The following XKR4 variants were observed in gnomAD, a reference collection of about 807,000 sequenced individuals.
XKR4 encodes the protein XK-related protein 4.
Under a neutral mutation model 53.9 loss-of-function variants are expected in XKR4, and 12 were observed. The ratio of observed to expected loss-of-function variants is 0.22; its 90% CI spans 0.14 to 0.36. The LOEUF is 0.36. Ranked by LOEUF, XKR4 falls within the 10% of genes least tolerant of loss-of-function variation. The probability of loss-of-function intolerance (pLI) is 1.00; values close to 1 mark genes in which losing one functional copy is unlikely to be tolerated. For synonymous variants in XKR4, 354 were observed against 362.4 expected (o/e 0.98, Z 0.26); for missense variants, 799 against 859.5 (o/e 0.93, Z 0.88).
At chr8:55,295,897 G>A (rs911760729) in intron 1 of XKR4, among the ~76,000 whole-genome samples, 3 of 151,986 alleles carry the variant, frequency 2.0e-5, no homozygotes, top group African/African-American at 7.3e-5. Context: ...TTATTATTTT[G>A]TACTCCACAA....
chr8:55,310,056 T>A (rs1164178955), intron 1 of XKR4, among the ~76,000 whole-genome samples: 1 of 152,136 alleles, frequency 6.6e-6, no homozygotes, highest in Admixed American at 6.6e-5. Flanking sequence ...TGTGTCTGTG[T>A]GTGTGTGTGC....
intron 2 of XKR4, among the ~76,000 whole-genome samples, chr8:55,386,983 G>C (rs949820): frequency 0.1 from 15,559 of 152,190 alleles, 1,583 homozygotes; most frequent in African/African-American, 0.26. Context: ...GCAAGTCACA[G>C]ACACTTTATA....
At chr8:55,175,985 A>G (rs1265380433) in intron 1 of XKR4, among the ~76,000 whole-genome samples, 1 of 152,206 alleles carries the variant, frequency 6.6e-6, no homozygotes, top group African/African-American at 2.4e-5. Context: ...GAAAATATTA[A>G]TATCCATAAA....
In XKR4 at chr8:55,508,762, C is replaced by T. The variant is rs537232239; in HGVS notation, c.1007-14519C>T. Among the ~76,000 whole-genome samples the T allele has an allele frequency of 2.0e-5, 3 of 152,332 alleles. No homozygotes were observed. In the East Asian group the frequency reaches 5.8e-4, roughly 29 times the overall value. ...AGTAAGTGTTTACTGAATTGAACAA[C>T]TGAGTATAAAGAAATCAGAAAAGAA... is the stretch of plus-strand genomic sequence containing the variant. On this transcript the variant is annotated intron_variant, in intron 2 of 2. Transcript: ENST00000327381.
intron 2 of XKR4, among the ~76,000 whole-genome samples, chr8:55,408,578 A>T (rs977285408): frequency 2.0e-5 from 3 of 152,202 alleles, no homozygotes; most frequent in Non-Finnish European, 2.9e-5. Context: ...GTCAGGCAGA[A>T]GGGCTTCCGG....
intron 1 of XKR4, among the ~76,000 whole-genome samples, chr8:55,144,356 A>G (rs577182020): frequency 6.6e-6 from 1 of 152,168 alleles, no homozygotes; most frequent in Admixed American, 6.5e-5. Context: ...GTCTGTATGG[A>G]AAACAAAAAA....
At chr8:55,498,537 T>C (rs1806391298) in intron 2 of XKR4, among the ~76,000 whole-genome samples, 1 of 152,128 alleles carries the variant, frequency 6.6e-6, no homozygotes, top group African/African-American at 2.4e-5. Context: ...CCCAGCACTT[T>C]GGGAGGCCGA....
intron 2 of XKR4, among the ~76,000 whole-genome samples, chr8:55,389,236 G>C (rs1804402330): frequency 6.6e-6 from 1 of 152,166 alleles, no homozygotes; most frequent in African/African-American, 2.4e-5. Context: ...CCAGCCTCCA[G>C]AACTGTGAGA....
intron 1 of XKR4, among the ~76,000 whole-genome samples, chr8:55,178,019 A>G (rs1305246559): frequency 6.6e-6 from 1 of 152,212 alleles, no homozygotes; most frequent in Non-Finnish European, 1.5e-5. Context: ...GGATTGAAAC[A>G]AACCCCTTTA....
chr8:55,199,442 T>G (rs1817545591), intron 1 of XKR4, among the ~76,000 whole-genome samples: 1 of 152,242 alleles, frequency 6.6e-6, no homozygotes, highest in Non-Finnish European at 1.5e-5. Flanking sequence ...CTTACATCAT[T>G]TAGGTACTGT....
intron 1 of XKR4, among the ~76,000 whole-genome samples, chr8:55,329,127 C>G (rs1296608672): frequency 1.3e-5 from 2 of 152,124 alleles, no homozygotes; most frequent in African/African-American, 4.8e-5. Flanking sequence ...AACCGTGAAA[C>G]TTGAGTTCCT....
At chr8:55,322,151 CTTT>C (rs1298159908) in intron 1 of XKR4, among the ~76,000 whole-genome samples, 1 of 152,164 alleles carries the variant, frequency 6.6e-6, no homozygotes, top group East Asian at 1.9e-4. Flanking sequence ...TTACCACATG[CTTT>C]TATCCCTAAG....
chr8:55,228,537 A>G (rs763265340), intron 1 of XKR4, among the ~76,000 whole-genome samples: 1 of 152,212 alleles, frequency 6.6e-6, no homozygotes, highest in African/African-American at 2.4e-5. Flanking sequence ...TATGTGAAAT[A>G]TAAATGGAAT....
intron 2 of XKR4, among the ~76,000 whole-genome samples, chr8:55,406,833 G>C (rs1454684173): frequency 1.3e-5 from 2 of 152,178 alleles, no homozygotes; most frequent in Non-Finnish European, 1.5e-5. Flanking sequence ...GAGAATGAAT[G>C]AAAAAGTGAG....
At chr8:55,149,133 C>T (rs778116726) in intron 1 of XKR4, among the ~76,000 whole-genome samples, 1 of 152,186 alleles carries the variant, frequency 6.6e-6, no homozygotes, top group African/African-American at 2.4e-5. Flanking sequence ...GGCAGCATGG[C>T]TTGGCCTGAG....
At position 55,367,155 on chromosome 8, in the gene XKR4, G is replaced by A. The variant is rs147003008; in HGVS notation, c.1006+9278G>A. Among the ~76,000 whole-genome samples, 25 of 152,004 alleles carry A rather than the reference G, an allele frequency of 1.6e-4. No homozygotes were observed. The East Asian group carries it at 4.3e-3, about 26-fold the overall frequency. On this transcript the variant is annotated intron_variant, in intron 2 of 2. Transcript: ENST00000327381. ...CCCCCTCCTTCCCTGTGTGCCCACC[G>A]TTCTACATGTGATCACTATTTGAAA...
chr8:55,141,987 G>C (rs902304372), intron 1 of XKR4: 6 of 432,556 alleles, frequency 1.4e-5, no homozygotes, highest in African/African-American at 1.0e-4. Flanking sequence ...CTATTTCCAG[G>C]GGTGATAAAG....
Position 55,452,941 on chromosome 8 carries a change from G to A in XKR4, c.1007-70340G>A, listed in dbSNP as rs965658840. 104 of 784,156 alleles carry A rather than the reference G, an allele frequency of 1.3e-4. 2 individuals are homozygous for A. The South Asian group carries it at 1.4e-3, about 10-fold the overall frequency. 48.6% of individuals were successfully genotyped at this position (784,156 alleles called of 1,614,324 possible). On this transcript the variant is annotated intron_variant, in intron 2 of 2. Coordinates refer to ENST00000327381, the MANE Select transcript of XKR4 (RefSeq NM_052898.2). ...CTGAACACTGTGCTCTCCTCCTTCT[G>A]CATCAGCTCCTGCTGCTTCTCACCG...
intron 2 of XKR4, among the ~76,000 whole-genome samples, chr8:55,364,503 C>T (rs1309787716): frequency 1.3e-5 from 2 of 152,212 alleles, no homozygotes; most frequent in African/African-American, 4.8e-5. Context: ...AGTCCCCAGG[C>T]AGGGTTGTCT....
Sources: gnomAD v4.1 joint callset for allele counts (sites outside exome capture counted in the v4.1 genomes callset) on GRCh38, gnomAD v4.1.1 for gene constraint, MANE v1.5 for transcripts, NCBI Gene and HGNC (gene_info 2026-07-23, HGNC 2026-07-21) for gene names.